Variants in DNM3 observed in about 807,000 individuals in gnomAD.
DNM3 encodes the protein dynamin 3, also known as dynamin-3.
DNM3 carries 47 observed loss-of-function variants against 101.6 expected under a neutral mutation model. The ratio of observed to expected loss-of-function variants is 0.46; its 90% CI spans 0.37 to 0.59. The LOEUF (loss-of-function observed/expected upper bound fraction) is 0.59. DNM3 is among the 20% of genes least tolerant of loss of function. The pLI is 0.00. For synonymous variants in DNM3, 385 were observed against 387.9 expected, an observed-to-expected ratio of 0.99 and a Z score of 0.09; for missense variants, 849 against 1,085.7, an observed-to-expected ratio of 0.78 and a Z score of 3.06.
At chr1:171,881,980 T>G (rs1194508700) in intron 1 of DNM3, among the ~76,000 whole-genome samples, 1 of 152,220 alleles carries the variant, frequency 6.6e-6, no homozygotes, top group Non-Finnish European at 1.5e-5. Flanking sequence ...AATTATTTTT[T>G]CAGATCTAGA....
At chr1:171,895,266 G>A (rs1464799044) in intron 1 of DNM3, among the ~76,000 whole-genome samples, 1 of 152,148 alleles carries the variant, frequency 6.6e-6, no homozygotes, top group Non-Finnish European at 1.5e-5. Context: ...GTGTAAAAGT[G>A]TTCCTCTTTC....
At chr1:171,978,425 G>A (rs140788237) in intron 2 of DNM3, among the ~76,000 whole-genome samples, 102 of 152,254 alleles carry the variant, frequency 6.7e-4, no homozygotes, top group African/African-American at 2.4e-3. Flanking sequence ...AGGCCCTGAG[G>A]TAGGAAGGGA....
intron 14 of DNM3, among the ~76,000 whole-genome samples, chr1:172,150,341 A>G (rs1237072783): frequency 1.3e-5 from 2 of 152,178 alleles, no homozygotes; most frequent in Admixed American, 6.5e-5. Context: ...TTAATCACAT[A>G]TCTTTATAAA....
At chr1:172,163,724 G>A (rs565234890) in intron 14 of DNM3, among the ~76,000 whole-genome samples, 127 of 152,128 alleles carry the variant, frequency 8.3e-4, no homozygotes, top group Non-Finnish European at 1.5e-3. Context: ...TTGTAAGTGA[G>A]ATCATGCACT....
In DNM3 at chr1:172,418,241, CTTTT is replaced by C. The variant is rs776000799; in HGVS notation, c.2541-38_2541-35del. The C allele has an allele frequency of 5.5e-6, 7 of 1,273,670 alleles. No homozygotes were observed. The Admixed American group carries it at 9.5e-5, about 17-fold the overall frequency. The allele number at this position is 1,273,670 out of a possible 1,614,324, so 78.9% of individuals were successfully genotyped here. A position where few individuals can be genotyped will look rare whatever the true frequency, so the allele number is the denominator to read the frequency against. On this transcript the variant is annotated intron_variant, in intron 20 of 20. Coordinates refer to the DNM3 transcript ENST00000485254. ...TTTCTTCCTCTGCATCTGTGTCTTT[CTTTT>C]TGTTATTTTGTTTTGTTTTGTTTTG...
At chr1:172,370,776 T>C (rs1414487852) in intron 17 of DNM3, among the ~76,000 whole-genome samples, 1 of 151,964 alleles carries the variant, frequency 6.6e-6, no homozygotes, top group Non-Finnish European at 1.5e-5. Context: ...TACCATATCA[T>C]TTATTTCTCC....
At position 172,296,941 on chromosome 1, in the gene DNM3, G is replaced by A. The variant is rs553481855; in HGVS notation, c.1770-11787G>A. On this transcript the variant is annotated intron_variant, in intron 15 of 20. Transcript: ENST00000627582. The stretch of plus-strand genomic sequence containing the variant: ...ACTGATCACCTGAGGTCAGGAGTTC[G>A]AGACTAGCCTGGCCAACAATGTGAA... 1.4e-4 allele frequency among the ~76,000 whole-genome samples: 22 copies of A among 152,244 alleles called. 1 individual carries two copies. The highest frequency in any genetic ancestry group is 4.1e-4 in the African/African-American group (17 of 41,542).
chr1:172,107,128 GGGATTA>G, intron 13 of DNM3, among the ~76,000 whole-genome samples: 2 of 151,748 alleles, frequency 1.3e-5, no homozygotes, highest in Middle Eastern at 6.8e-3. Context: ...CCAAAGTGCT[GGGATTA>G]CAGGCGTGAG....
At chr1:172,417,845 C>A (rs978201445) in intron 20 of DNM3, among the ~76,000 whole-genome samples, 1 of 152,212 alleles carries the variant, frequency 6.6e-6, no homozygotes, top group African/African-American at 2.4e-5. Context: ...TCCCTCTCCC[C>A]CTATGGAGAT....
At chr1:171,856,007 A>G (rs2033572661) in intron 1 of DNM3, among the ~76,000 whole-genome samples, 1 of 152,158 alleles carries the variant, frequency 6.6e-6, no homozygotes, top group African/African-American at 2.4e-5. Context: ...TGGGTTTTAC[A>G]TTTAAGTCCG....
chr1:172,044,750 G>C (rs955414839), intron 9 of DNM3, among the ~76,000 whole-genome samples: 4 of 152,188 alleles, frequency 2.6e-5, no homozygotes, highest in African/African-American at 9.6e-5. Flanking sequence ...TCATGAGGGA[G>C]GCCAGACATG....
chr1:172,091,298 A>G (rs1363341162), intron 12 of DNM3, among the ~76,000 whole-genome samples: 4 of 152,238 alleles, frequency 2.6e-5, no homozygotes, highest in African/African-American at 9.6e-5. Flanking sequence ...TCTAATGGAA[A>G]AGGGCAGACA....
intron 13 of DNM3, among the ~76,000 whole-genome samples, chr1:172,120,250 G>C (rs1410002356): frequency 1.3e-5 from 2 of 152,170 alleles, no homozygotes; most frequent in African/African-American, 4.8e-5. Flanking sequence ...GCAGGCAAGA[G>C]AGAGCATGTG....
intron 18 of DNM3, 142 bp from the exon 19 acceptor site, chr1:172,386,991 G>T: frequency 1.5e-6 from 1 of 655,826 alleles, no homozygotes; most frequent in Non-Finnish European, 2.6e-6. Context: ...GTAAACAGAC[G>T]CTTGGTGCTT....
At chr1:171,987,233 A>G in intron 2 of DNM3, 5 of 870,906 alleles carry the variant, frequency 5.7e-6, no homozygotes, top group Middle Eastern at 5.8e-4. Context: ...CCTTCTGAAG[A>G]TATATTTATA....
At chr1:172,087,073 A>G (rs1030692796) in intron 12 of DNM3, among the ~76,000 whole-genome samples, 8 of 151,614 alleles carry the variant, frequency 5.3e-5, no homozygotes, top group African/African-American at 1.9e-4. Flanking sequence ...CTACCACTCC[A>G]CTCCACTGAG....
intron 14 of DNM3, among the ~76,000 whole-genome samples, chr1:172,212,871 C>T (rs2060560763): frequency 6.6e-6 from 1 of 152,140 alleles, no homozygotes; most frequent in Non-Finnish European, 1.5e-5. Flanking sequence ...CTGATGTACT[C>T]TCGCCTTACC....
At chr1:171,972,566 T>A (rs1349554145) in intron 2 of DNM3, among the ~76,000 whole-genome samples, 1 of 152,214 alleles carries the variant, frequency 6.6e-6, no homozygotes, top group East Asian at 1.9e-4. Flanking sequence ...TACAGATTCC[T>A]AGGCTTGGCG....
At position 171,921,735 on chromosome 1, in the gene DNM3, T is replaced by C. The variant is rs542757970; in HGVS notation, c.162-13T>C. 64 of 1,570,474 alleles carry C rather than the reference T, an allele frequency of 4.1e-5. No homozygotes were observed. In the East Asian group the frequency reaches 1.4e-3, roughly 35 times the overall value. The stretch of plus-strand genomic sequence containing the variant: ...TCCTTCATGCCTTAATCTGTATTTC[T>C]TACTTTTTTTAGGGACTTTCTCCCT... On this transcript the variant is annotated splice_polypyrimidine_tract_variant and intron_variant, in intron 1 of 20. Transcript: ENST00000627582.
Sources: allele counts gnomAD v4.1 joint callset (sites outside exome capture counted in the v4.1 genomes callset), GRCh38; gene constraint gnomAD v4.1.1; transcripts MANE v1.5; gene names NCBI Gene and HGNC (gene_info 2026-07-23, HGNC 2026-07-21).